Variants in USP34 observed in about 807,000 individuals in gnomAD.
USP34 encodes ubiquitin carboxyl-terminal hydrolase 34.
USP34 carries 70 observed loss-of-function variants against 460.3 expected under a neutral mutation model. The observed-to-expected ratio is 0.15, with a 90% CI of 0.13 to 0.19. The LOEUF is 0.19. USP34 is among the 10% of genes least tolerant of loss of function. The pLI is 1.00. For missense variants in USP34, 3,985 were observed against 4,236.2 expected (o/e 0.94, Z 1.65); for synonymous variants, 1,647 against 1,405.3 (o/e 1.17, Z -3.85).
chr2:61,470,207 C>A (rs1350505271), intron 1 of USP34, among the ~76,000 whole-genome samples: 1 of 152,154 alleles, frequency 6.6e-6, no homozygotes, highest in Non-Finnish European at 1.5e-5. Context: ...TGAAAATTAG[C>A]AGGTAAGAGA....
intron 5 of USP34, among the ~76,000 whole-genome samples, chr2:61,384,143 A>G (rs1163538510): frequency 6.6e-6 from 1 of 152,224 alleles, no homozygotes; most frequent in Non-Finnish European, 1.5e-5. Flanking sequence ...TACAATATCA[A>G]CAAGTACTTA....
chr2:61,242,435 A>G (rs1558486159), intron 51 of USP34, among the ~76,000 whole-genome samples: 3 of 148,632 alleles, frequency 2.0e-5, no homozygotes, highest in Non-Finnish European at 4.5e-5. Flanking sequence ...AGAAAAAGGT[A>G]AGAGTCAACC....
In USP34 at chr2:61,288,806, A is replaced by G; in HGVS notation, c.4620T>C (p.Asp1540=). ...AGGCAAAGACATCATGATAAGCTAA[A>G]TCCAAATCGGATGGATCTACTGCAA... ...CQFAVDPSDL[D]LAYHDVFAWS... The change falls in exon 34 of 80, where the codon GAT becomes GAC. Residue 1540 remains aspartate (D), a synonymous_variant. Transcript: ENST00000398571. The G allele has an allele frequency of 6.2e-7, 1 of 1,613,984 alleles. No individual in the cohort carries two copies. Among genetic ancestry groups the G allele is most frequent in the African/African-American group, 1.3e-5 (1 of 75,036 alleles).
intron 33 of USP34, among the ~76,000 whole-genome samples, chr2:61,291,815 C>T (rs1336600053): frequency 6.6e-6 from 1 of 152,166 alleles, no homozygotes; most frequent in Non-Finnish European, 1.5e-5. Context: ...ATGCTCACAA[C>T]AGTCACAGTG....
chr2:61,267,790 T>G (rs1051077028), intron 41 of USP34, among the ~76,000 whole-genome samples: 1 of 152,138 alleles, frequency 6.6e-6, no homozygotes, highest in African/African-American at 2.4e-5. Context: ...TAATTTTTTG[T>G]ATTTTTTAGT....
chr2:61,221,537 G>A lies in USP34; in HGVS notation c.7864C>T (p.Pro2622Ser). The stretch of plus-strand genomic sequence containing the variant: ...CTCTGCAGAATATAAGATGCAAAGG[G>A]AGGCATTCCTGGAGGTCCACCAGCA... Reference protein sequence around the residue: ...EFAGGPPGMPPFASYILQRIW... With the variant: ...EFAGGPPGMPSFASYILQRIW... Residue 2622 changes from proline to serine, a missense_variant, in exon 66 of 80, where the codon CCC (proline) becomes TCC (serine). Physicochemically the swap from Pro to Ser is moderately conservative, Grantham distance 74 (BLOSUM62 -1). Coordinates refer to ENST00000398571, the MANE Select transcript of USP34 (RefSeq NM_014709.4). 2 of 1,614,064 alleles carry A rather than the reference G, an allele frequency of 1.2e-6. No homozygotes were observed. The highest frequency in any genetic ancestry group is 1.7e-6 in the Non-Finnish European group (2 of 1,179,956).
chr2:61,244,680 C>G (rs1261350361), intron 51 of USP34, among the ~76,000 whole-genome samples: 1 of 151,592 alleles, frequency 6.6e-6, no homozygotes, highest in African/African-American at 2.4e-5. Flanking sequence ...CTTTTTCTAT[C>G]CAGTATCTAG....
chr2:61,229,468 A>AAAAAAC (rs1687825582), intron 59 of USP34, 80 bp downstream of exon 59: 1 of 628,322 alleles, frequency 1.6e-6, no homozygotes, highest in Non-Finnish European at 2.3e-6. Flanking sequence ...AAAAAAAAAA[A>AAAAAAC]AAAAAAACAA....
chr2:61,262,896 T>C (rs1327931454), intron 43 of USP34, among the ~76,000 whole-genome samples: 1 of 152,232 alleles, frequency 6.6e-6, no homozygotes, highest in Non-Finnish European at 1.5e-5. Context: ...TGAGATGTTA[T>C]CTCACTGTGG....
chr2:61,228,750 TATAAA>T lies in USP34; in HGVS notation c.7369-36_7369-32del, dbSNP rs779799369. Reference sequence around the variant, plus strand: ...CAAACAAACAAACAAAATTTAAAAATATAAAATAAAAGCAATTAAGTTGCAAATAC... The same window carrying T: ...CAAACAAACAAACAAAATTTAAAAATATAAAAGCAATTAAGTTGCAAATAC... On this transcript the variant is annotated intron_variant, in intron 60 of 79. Coordinates refer to ENST00000398571, the MANE Select transcript of USP34 (RefSeq NM_014709.4). 55 of 1,594,842 alleles carry T rather than the reference TATAAA, an allele frequency of 3.4e-5. No individual in the cohort carries two copies. In the Admixed American group the frequency reaches 6.0e-4, roughly 17 times the overall value.
At chr2:61,241,423 G>A in intron 53 of USP34, 137 bp downstream of exon 53, 3 of 575,426 alleles carry the variant, frequency 5.2e-6, no homozygotes, top group African/African-American at 2.0e-5. Flanking sequence ...GTATTACCAA[G>A]ACTATTTGTA....
At chr2:61,386,625 C>T (rs1693153327) in intron 5 of USP34, among the ~76,000 whole-genome samples, 1 of 151,980 alleles carries the variant, frequency 6.6e-6, no homozygotes, top group African/African-American at 2.4e-5. Flanking sequence ...CCCATCTATA[C>T]TAAAAATACA....
In USP34 at chr2:61,383,313, G is replaced by C; in HGVS notation, c.777C>G (p.Pro259=). The C allele has an allele frequency of 6.2e-7, 1 of 1,603,172 alleles. No homozygotes were observed. ...AAGGTATAATGTGCTGCATGACAGC[G>C]GGAATATGTAGCCATATTCTAATCT... is the stretch of plus-strand genomic sequence containing the variant. ...VSNIRIWLHI[P]AVMQHIIPFR... Residue 259 remains proline, a synonymous_variant, in exon 6 of 80, where the codon CCC becomes CCG. Coordinates refer to ENST00000398571, the MANE Select transcript of USP34 (RefSeq NM_014709.4).
chr2:61,351,350 T>C (rs1691937267), intron 10 of USP34, among the ~76,000 whole-genome samples: 1 of 152,136 alleles, frequency 6.6e-6, no homozygotes, highest in African/African-American at 2.4e-5. Context: ...TAAAGATCTA[T>C]AAAATAATAA....
chr2:61,348,821 T>C lies in USP34; in HGVS notation c.1609A>G (p.Ile537Val), dbSNP rs752652331. The part of the protein sequence containing the change: ...SDTHQSGGSD[I>V]EMDEQLINRT... The stretch of plus-strand genomic sequence containing the variant: ...TTAATAAGTTGCTCATCCATTTCAA[T>C]GTCACTACCTCCACTTTGATGTGTA... The change falls in exon 14 of 80, where the codon ATT becomes GTT. Residue 537 changes from isoleucine (I) to valine (V), a missense_variant. Physicochemically the swap from Ile to Val is conservative, Grantham distance 29. This residue lies in a region of USP34 where 716 missense variants were observed against 626.2 expected (regional missense o/e 1.14). Transcript: ENST00000398571. 16 of 1,613,968 alleles carry C rather than the reference T, an allele frequency of 9.9e-6. No homozygotes were observed. In the South Asian group the frequency reaches 1.5e-4, roughly 16 times the overall value.
intron 29 of USP34, among the ~76,000 whole-genome samples, chr2:61,299,160 T>C (rs767979065): frequency 6.6e-6 from 1 of 151,968 alleles, no homozygotes; most frequent in African/African-American, 2.4e-5. Flanking sequence ...AACTGAGGTA[T>C]AAGAAACAGA....
chr2:61,467,053 C>G (rs986605693), intron 1 of USP34, among the ~76,000 whole-genome samples: 1 of 151,990 alleles, frequency 6.6e-6, no homozygotes, highest in African/African-American at 2.4e-5. Flanking sequence ...CGCCTGTAAT[C>G]CTAGCATTTT....
intron 16 of USP34, among the ~76,000 whole-genome samples, chr2:61,343,183 T>A (rs1427760148): frequency 1.3e-5 from 2 of 152,086 alleles, no homozygotes; most frequent in East Asian, 3.8e-4. Flanking sequence ...AAACAAGAGG[T>A]TTAAGGCCTT....
intron 18 of USP34, among the ~76,000 whole-genome samples, chr2:61,335,746 C>T (rs1691396715): frequency 6.6e-6 from 1 of 152,096 alleles, no homozygotes; most frequent in African/African-American, 2.4e-5. Context: ...GAGACTGTCT[C>T]AAAGAGAAGA....
Sources: gnomAD v4.1 joint callset for allele counts (sites outside exome capture counted in the v4.1 genomes callset) on GRCh38, gnomAD v4.1.1 for gene constraint, gnomAD v4.1.1 regional missense constraint, MANE v1.5 for transcripts, NCBI Gene and HGNC (gene_info 2026-07-23, HGNC 2026-07-21) for gene names.